CTNND2: variants seen among roughly 807,000 people sequenced by gnomAD.
CTNND2 encodes catenin delta-2.
A neutral mutation model predicts 144.4 loss-of-function variants in CTNND2; 22 were observed. That is an observed-to-expected ratio of 0.15 (90% CI 0.11 to 0.22). CTNND2 has a LOEUF of 0.22. Ranked by LOEUF, CTNND2 falls within the 10% of genes least tolerant of loss-of-function variation. CTNND2 has a pLI of 1.00. For synonymous variants in CTNND2, 751 were observed against 695.6 expected (o/e 1.08, Z -1.25); for missense variants, 1,353 against 1,618.8 (o/e 0.84, Z 2.82).
chr5:11,173,411 C>A (rs1177938254), intron 11 of CTNND2, among the ~76,000 whole-genome samples: 2 of 152,238 alleles, frequency 1.3e-5, no homozygotes, highest in Non-Finnish European at 2.9e-5. Flanking sequence ...AGTATACTAA[C>A]CCTGTCGACT....
chr5:10,982,657 A>C (rs189681967), intron 20 of CTNND2, among the ~76,000 whole-genome samples: 95 of 152,384 alleles, frequency 6.2e-4, no homozygotes, highest in African/African-American at 1.9e-3. Flanking sequence ...GGTGTATATT[A>C]GAAAGAAAGG....
chr5:11,413,415 G>C (rs1249501773), intron 3 of CTNND2, among the ~76,000 whole-genome samples: 2 of 152,078 alleles, frequency 1.3e-5, no homozygotes, highest in African/African-American at 4.8e-5. Context: ...CAGAACCATA[G>C]TTATCCTGGC....
At chr5:11,305,046 C>T (rs540118097) in intron 9 of CTNND2, among the ~76,000 whole-genome samples, 12 of 152,360 alleles carry the variant, frequency 7.9e-5, no homozygotes, top group East Asian at 1.9e-4. Context: ...GTGGTCACTG[C>T]GCTTGCATCT....
rs143287455 is a variant in CTNND2 at position 11,641,091 on chromosome 5, G to A, written c.175-76035C>T. 1.1e-4 allele frequency among the ~76,000 whole-genome samples: 16 copies of A among 152,276 alleles called. No individual in the cohort carries two copies. In the East Asian group the frequency reaches 2.1e-3, roughly 20 times the overall value. On this transcript the variant is annotated intron_variant, in intron 2 of 21. Transcript: ENST00000304623. Reference sequence around the variant, plus strand: ...AAGGTTTCTACAAAGATAGCCATGCGTGTATTCAAGGTCGTTCTGAGCACA... The same window carrying A: ...AAGGTTTCTACAAAGATAGCCATGCATGTATTCAAGGTCGTTCTGAGCACA...
At chr5:11,846,503 T>C (rs1284947140) in intron 1 of CTNND2, among the ~76,000 whole-genome samples, 2 of 152,130 alleles carry the variant, frequency 1.3e-5, no homozygotes, top group Admixed American at 6.5e-5. Flanking sequence ...GAAGAAATCA[T>C]AGTGGATCAA....
At chr5:11,059,991 A>T (rs1378818780) in intron 16 of CTNND2, among the ~76,000 whole-genome samples, 2 of 152,112 alleles carry the variant, frequency 1.3e-5, no homozygotes, top group African/African-American at 4.8e-5. Flanking sequence ...TTTCCTGCAA[A>T]ATAAGGAGAG....
At chr5:11,557,427 G>A (rs1776318428) in intron 3 of CTNND2, among the ~76,000 whole-genome samples, 1 of 152,096 alleles carries the variant, frequency 6.6e-6, no homozygotes, top group Non-Finnish European at 1.5e-5. Flanking sequence ...CCATCAGATC[G>A]AGGTTCTGGT....
intron 2 of CTNND2, among the ~76,000 whole-genome samples, chr5:11,631,552 A>G (rs1314736875): frequency 1.3e-5 from 2 of 152,192 alleles, no homozygotes; most frequent in African/African-American, 4.8e-5. Context: ...GGTTGGTTCA[A>G]GAAGACAGGG....
chr5:11,445,787 G>A (rs564210010), intron 3 of CTNND2, among the ~76,000 whole-genome samples: 22 of 152,328 alleles, frequency 1.4e-4, no homozygotes, highest in African/African-American at 4.8e-4. Context: ...CACATGTGGA[G>A]TTTCATTAAG....
intron 21 of CTNND2, among the ~76,000 whole-genome samples, chr5:10,977,583 G>C (rs1156958305): frequency 6.6e-6 from 1 of 152,082 alleles, no homozygotes; most frequent in African/African-American, 2.4e-5. Context: ...ATCCCAGCTA[G>C]CTGGGACTAC....
At chr5:11,596,026 C>A (rs568271802) in intron 2 of CTNND2, among the ~76,000 whole-genome samples, 2 of 152,208 alleles carry the variant, frequency 1.3e-5, no homozygotes, top group Non-Finnish European at 2.9e-5. Context: ...CACATACAGA[C>A]ATGCACACAC....
At chr5:11,071,921 A>G (rs964518775) in intron 16 of CTNND2, among the ~76,000 whole-genome samples, 2 of 152,230 alleles carry the variant, frequency 1.3e-5, no homozygotes, top group African/African-American at 4.8e-5. Flanking sequence ...GTTCATTTCT[A>G]TCACTGGGAA....
At chr5:11,455,817 T>G (rs1302892838) in intron 3 of CTNND2, among the ~76,000 whole-genome samples, 1 of 152,192 alleles carries the variant, frequency 6.6e-6, no homozygotes, top group African/African-American at 2.4e-5. Flanking sequence ...AAAGTAATCA[T>G]ATATAATAAG....
chr5:11,186,550 C>T (rs960485553), intron 11 of CTNND2, among the ~76,000 whole-genome samples: 1 of 152,112 alleles, frequency 6.6e-6, no homozygotes, highest in Non-Finnish European at 1.5e-5. Context: ...GTGTAGTTAC[C>T]ATTAGCGTCA....
At chr5:11,215,602 C>A (rs184589368) in intron 10 of CTNND2, among the ~76,000 whole-genome samples, 289 of 152,276 alleles carry the variant, frequency 1.9e-3, no homozygotes, top group African/African-American at 6.7e-3. Flanking sequence ...AAAGTCGGAA[C>A]AATAAGGAAG....
intron 18 of CTNND2, among the ~76,000 whole-genome samples, chr5:10,996,056 C>T (rs1739308482): frequency 6.6e-6 from 1 of 151,908 alleles, no homozygotes; most frequent in Non-Finnish European, 1.5e-5. Flanking sequence ...CTGGCCAGGG[C>T]AAGTGGCCGG....
chr5:11,846,843 AAATCAACATCACT>A (rs1794760762), intron 1 of CTNND2, among the ~76,000 whole-genome samples: 1 of 151,992 alleles, frequency 6.6e-6, no homozygotes, highest in Admixed American at 6.6e-5. Context: ...CATCCAAAAA[AAATCAACATCACT>A]AATCAACAGA....
chr5:11,527,438 T>C (rs1035609374), intron 3 of CTNND2, among the ~76,000 whole-genome samples: 7 of 152,246 alleles, frequency 4.6e-5, no homozygotes, highest in Middle Eastern at 6.8e-3. Flanking sequence ...CAAGGCCTTC[T>C]GGGAGCCTGC....
intron 1 of CTNND2, among the ~76,000 whole-genome samples, chr5:11,891,607 C>G (rs1270267681): frequency 1.3e-5 from 2 of 151,916 alleles, no homozygotes; most frequent in African/African-American, 4.8e-5. Flanking sequence ...TCTAAGAAGA[C>G]AGATGAGAGA....
Sources: allele counts gnomAD v4.1 joint callset (sites outside exome capture counted in the v4.1 genomes callset), GRCh38; gene constraint gnomAD v4.1.1; transcripts MANE v1.5; gene names NCBI Gene and HGNC (gene_info 2026-07-23, HGNC 2026-07-21).